CENPI: variants seen among roughly 807,000 people sequenced by gnomAD.
The protein encoded by CENPI is centromere protein I, also known as FSH primary response 1.
CENPI carries 4 observed loss-of-function variants against 60.4 expected under a neutral mutation model. The ratio of observed to expected loss-of-function variants is 0.07; its 90% CI spans 0.03 to 0.15. The LOEUF is 0.15. CENPI is among the 10% of genes least tolerant of loss of function. CENPI has a pLI of 1.00. For missense variants in CENPI, 444 were observed against 534.5 expected, an observed-to-expected ratio of 0.83 and a Z score of 1.67; for synonymous variants, 157 against 189.4, an observed-to-expected ratio of 0.83 and a Z score of 1.40.
Position 101,099,063 on chromosome X carries a change from TG to T in CENPI, c.-14+525del, listed in dbSNP as rs1208636347. 5.4e-5 allele frequency among the ~76,000 whole-genome samples: 6 copies of T among 110,865 alleles called. No homozygotes were observed. The East Asian group carries it at 1.7e-3, about 31-fold the overall frequency. On this transcript the variant is annotated intron_variant, in intron 2 of 21. Transcript: ENST00000682095. ...CTTTTCTCTTTTCTTTCTTTCTTTC[TG>T]TCTCTGTCTGTCTCTCTCTCTCTCC...
intron 20 of CENPI, 116 bp from the exon 21 acceptor site, chrX:101,161,412 G>C: frequency 1.6e-6 from 1 of 607,124 alleles, no homozygotes; most frequent in Non-Finnish European, 2.6e-6. Flanking sequence ...AAATGAGCAA[G>C]TGAATTGCCA....
intron 8 of CENPI, among the ~76,000 whole-genome samples, chrX:101,121,514 C>T (rs1335437866): frequency 9.1e-6 from 1 of 109,934 alleles, no homozygotes; most frequent in Non-Finnish European, 1.9e-5. Flanking sequence ...GTCTCGAACT[C>T]TTGACCTCAG....
intron 4 of CENPI, among the ~76,000 whole-genome samples, chrX:101,106,751 C>G (rs1395192419): frequency 9.0e-6 from 1 of 110,889 alleles, no homozygotes; most frequent in Non-Finnish European, 1.9e-5. Flanking sequence ...GGTATTACTG[C>G]CAGCCAATTC....
downstream of CENPI, among the ~76,000 whole-genome samples, chrX:101,170,588 G>T (rs935073573): frequency 8.9e-6 from 1 of 111,766 alleles, no homozygotes; most frequent in African/African-American, 3.2e-5. Flanking sequence ...AGACAATATT[G>T]TTAAGATAGC....
chrX:101,116,143 G>T (rs1221085370), intron 6 of CENPI, among the ~76,000 whole-genome samples: 1 of 111,633 alleles, frequency 9.0e-6, no homozygotes, highest in African/African-American at 3.2e-5. Context: ...AAAATATAGT[G>T]TAATAACTAT....
chrX:101,099,033 C>G (rs1858435568), intron 2 of CENPI, among the ~76,000 whole-genome samples: 1 of 104,783 alleles, frequency 9.5e-6, no homozygotes, highest in Non-Finnish European at 2.0e-5. Context: ...ACTACTGTTT[C>G]TTTTCTTTTC....
At chrX:101,125,487 C>T (rs2089725494) in intron 8 of CENPI, among the ~76,000 whole-genome samples, 1 of 111,402 alleles carries the variant, frequency 9.0e-6, no homozygotes, top group Admixed American at 9.6e-5. Context: ...ACCTCTGCCT[C>T]CCAGGTTCAA....
In CENPI at chrX:101,135,020, A is replaced by G. The variant is rs1316046693; in HGVS notation, c.1470+2564A>G. Among the ~76,000 whole-genome samples, 3 of 111,682 alleles carry G rather than the reference A, an allele frequency of 2.7e-5. No homozygotes were observed. In the East Asian group the frequency reaches 8.4e-4, roughly 31 times the overall value. The stretch of plus-strand genomic sequence containing the variant: ...CAGAACAAGATTCCATCTCAAAAAA[A>G]AAAAATTTACAAAATTTAAAAAAGG... On this transcript the variant is annotated intron_variant, in intron 15 of 21. Transcript: ENST00000682095.
rs2090142519 is a variant in CENPI, at chrX:101,165,980, G to A, written c.*3013G>A. Reference sequence around the variant, plus strand: ...ATGTAGAACTTTCCATTGTGAGAAGGGAGTTGATTATTTTATCATTAAAGA... The same window carrying A: ...ATGTAGAACTTTCCATTGTGAGAAGAGAGTTGATTATTTTATCATTAAAGA... On this transcript the variant is annotated 3_prime_UTR_variant, in exon 22 of 22. Coordinates refer to ENST00000682095, the MANE Select transcript of CENPI (RefSeq NM_001386188.2). Among the ~76,000 whole-genome samples, 1 of 111,511 alleles carries A rather than the reference G, an allele frequency of 9.0e-6. No individual in the cohort carries two copies. Among genetic ancestry groups the A allele is most frequent in the African/African-American group, 3.3e-5 (1 of 30,759 alleles).
chrX:101,113,765 G>A (rs1220158035), intron 6 of CENPI, among the ~76,000 whole-genome samples: 1 of 111,873 alleles, frequency 8.9e-6, no homozygotes, highest in African/African-American at 3.2e-5. Flanking sequence ...ATCTTTTGAT[G>A]GCAAACTCTT....
intron 21 of CENPI, among the ~76,000 whole-genome samples, chrX:101,162,000 G>A (rs1041802864): frequency 1.8e-5 from 2 of 109,689 alleles, no homozygotes; most frequent in African/African-American, 6.6e-5. Flanking sequence ...GAGTGCGGTG[G>A]TGTAATCTCG....
At position 101,113,727 on chromosome X, in the gene CENPI, A is replaced by G. The variant is rs1269430916; in HGVS notation, c.591+3729A>G. On this transcript the variant is annotated intron_variant, in intron 6 of 21. Transcript: ENST00000682095. ...GATGAGATTATTTTCCTTTGGCTAAAAGTGTATTTTTTATTCTTTCATTGA... is the reference window on the plus strand; with the variant it reads ...GATGAGATTATTTTCCTTTGGCTAAGAGTGTATTTTTTATTCTTTCATTGA... 4.5e-5 allele frequency among the ~76,000 whole-genome samples: 5 copies of G among 112,312 alleles called. No individual in the cohort carries two copies. The Admixed American group carries it at 4.7e-4, about 11-fold the overall frequency.
chrX:101,137,246 G>A (rs775396041), intron 15 of CENPI, among the ~76,000 whole-genome samples: 16 of 112,009 alleles, frequency 1.4e-4, no homozygotes, highest in Non-Finnish European at 2.3e-4. Context: ...TTCTTTTGTC[G>A]GAATAGATAA....
In CENPI at chrX:101,109,554, C is replaced by G; in HGVS notation, c.446C>G (p.Ser149Cys). ...GAAGATTCTGTGGTTAAGGCAGTCTCCTGGCTTTGTGTTGGCAAGTGTTCT... is the reference window on the plus strand; with the variant it reads ...GAAGATTCTGTGGTTAAGGCAGTCTGCTGGCTTTGTGTTGGCAAGTGTTCT... ...ISEDSVVKAV[S>C]WLCVGKCSGS... Residue 149 changes from serine (S) to cysteine (C), a missense_variant, in exon 5 of 22, where the codon TCC (serine) becomes TGC (cysteine). By Grantham distance (112) the Ser-to-Cys change is moderately radical. Coordinates refer to ENST00000682095, the MANE Select transcript of CENPI (RefSeq NM_001386188.2). 1 of 1,207,817 alleles carries G rather than the reference C, an allele frequency of 8.3e-7. No homozygotes were observed. The highest frequency in any genetic ancestry group is 1.1e-6 in the Non-Finnish European group (1 of 891,822).
intron 16 of CENPI, among the ~76,000 whole-genome samples, chrX:101,144,449 C>T (rs2089945860): frequency 9.7e-6 from 1 of 103,245 alleles, no homozygotes; most frequent in Non-Finnish European, 2.0e-5. Context: ...AGGTGGTGCA[C>T]TCTCGCTCAC....
At chrX:101,157,984 C>G (rs1758371729) in intron 20 of CENPI, among the ~76,000 whole-genome samples, 1 of 111,452 alleles carries the variant, frequency 9.0e-6, no homozygotes, top group African/African-American at 3.3e-5. Flanking sequence ...CTCCAATGAC[C>G]ATCATTCTAC....
intron 20 of CENPI, among the ~76,000 whole-genome samples, chrX:101,155,828 T>C (rs1207894545): frequency 8.9e-6 from 1 of 112,090 alleles, no homozygotes; most frequent in Admixed American, 9.5e-5. Flanking sequence ...TGTTAAAGCA[T>C]ATAAGTGACC....
rs1438865810 is a variant in CENPI at position 101,118,805 on chromosome X, A to G, written c.592-1597A>G. Among the ~76,000 whole-genome samples the G allele has an allele frequency of 3.0e-5, 3 of 101,220 alleles. No homozygotes were observed. In the East Asian group the frequency reaches 9.9e-4, roughly 33 times the overall value. 87.9% of individuals were successfully genotyped at this position (101,220 alleles called of 115,157 possible). ...TAGTTCATATCCTTAAGCATATGAC[A>G]TAACACATTTTTTATACTGAAAATT... is the stretch of plus-strand genomic sequence containing the variant. On this transcript the variant is annotated intron_variant, in intron 6 of 21. Transcript: ENST00000682095.
chrX:101,108,966 GTAGT>G (rs1336850718), intron 4 of CENPI, among the ~76,000 whole-genome samples: 2 of 109,862 alleles, frequency 1.8e-5, no homozygotes, highest in Non-Finnish European at 3.8e-5. Flanking sequence ...TTGTATATTA[GTAGT>G]TAAAGGTACA....
Sources: allele counts gnomAD v4.1 joint callset (sites outside exome capture counted in the v4.1 genomes callset), GRCh38; gene constraint gnomAD v4.1.1; transcripts MANE v1.5; gene names NCBI Gene and HGNC (gene_info 2026-07-23, HGNC 2026-07-21).